AMER2: variants seen among roughly 807,000 people sequenced by gnomAD.
AMER2 encodes the protein family with sequence similarity 123A.
Under a neutral mutation model 4.7 loss-of-function variants are expected in AMER2, and 1 was observed. The ratio of observed to expected loss-of-function variants is 0.21; its 90% confidence interval spans 0.07 to 1.00. The LOEUF (loss-of-function observed/expected upper bound fraction) is 1.00, where lower values mean the gene tolerates loss of function less well. AMER2 is among the 50% of genes least tolerant of loss of function. The probability of loss-of-function intolerance (pLI) is 0.60; values close to 1 mark genes in which losing one functional copy is unlikely to be tolerated. For synonymous variants in AMER2, 485 were observed against 433.3 expected (o/e 1.12, Z -1.48); for missense variants, 988 against 966.9 (o/e 1.02, Z -0.29).
At position 25,162,316 on chromosome 13, in the gene AMER2, AG is replaced by A. The variant is rs1444426772; in HGVS notation, c.*7287del. On this transcript the variant is annotated 3_prime_UTR_variant, in exon 1 of 1. Transcript: ENST00000515384. The stretch of plus-strand genomic sequence containing the variant: ...TGGGCGAAACCTGAAGTTCACAATG[AG>A]CCTGCTAGGTAGCTGGTGTCAAGTA... The A allele has an allele frequency of 1.3e-5, 2 of 152,170 alleles. No homozygotes were observed. Among genetic ancestry groups the A allele is most frequent in the African/African-American group, 4.8e-5 (2 of 41,438 alleles). 9.4% of individuals were successfully genotyped at this position (152,170 alleles called of 1,614,324 possible). A position where few individuals can be genotyped will look rare whatever the true frequency, so the allele number is the denominator to read the frequency against.
At position 25,165,322 on chromosome 13, in the gene AMER2, C is replaced by T. The variant is rs1449386103; in HGVS notation, c.*4282G>A. On this transcript the variant is annotated 3_prime_UTR_variant, in exon 1 of 1. Coordinates refer to ENST00000515384, the MANE Select transcript of AMER2 (RefSeq NM_152704.4). ...ATGAGGTCTCACAATCAATGGCCGC[C>T]TGTGAGGAGCCACACTTACACGCTG... 1 of 152,268 alleles carries T rather than the reference C, an allele frequency of 6.6e-6. No homozygotes were observed. The highest frequency in any genetic ancestry group is 1.5e-5 in the Non-Finnish European group (1 of 68,062). 9.4% of individuals were successfully genotyped at this position (152,268 alleles called of 1,614,324 possible). A position where few individuals can be genotyped will look rare whatever the true frequency, so the allele number is the denominator to read the frequency against.
In AMER2 at chr13:25,169,617, G is replaced by A; in HGVS notation, c.2003C>T (p.Ala668Val). ...GCCTGGAAGACCTCACAACTTTTTG[G>A]CACTGTCGTGGCAGGCCGTTGCTCT... is the stretch of plus-strand genomic sequence containing the variant. Reference protein sequence around the residue: ...TIRATACHDSAKKL With the variant: ...TIRATACHDSVKKL Residue 668 changes from alanine to valine, a missense_variant, in exon 1 of 1, where the codon GCC becomes GTC. By Grantham distance (64) the Ala-to-Val change is moderately conservative. Transcript: ENST00000515384. The surrounding 1 kb of genome is among the most constrained non-coding windows in gnomAD (Gnocchi z 4.2). 6.3e-7 allele frequency: 1 copy of A among 1,581,838 alleles called. No homozygotes were observed. The highest frequency in any genetic ancestry group is 8.6e-7 in the Non-Finnish European group (1 of 1,163,144).
Position 25,171,478 on chromosome 13 carries a change from C to A in AMER2, c.142G>T (p.Asp48Tyr), listed in dbSNP as rs1282504212. 3 of 1,610,034 alleles carry A rather than the reference C, an allele frequency of 1.9e-6. No individual in the cohort carries two copies. Among genetic ancestry groups the A allele is most frequent in the Non-Finnish European group, 2.5e-6 (3 of 1,179,056 alleles). ...GCGGCCGGCGTTTCGGCGGCACAGT[C>A]ACAATGCAAGTCCATGTCTGCCGCG... Reference protein sequence around the residue: ...TLAADMDLHCDCAAETPAAEP... With the variant: ...TLAADMDLHCYCAAETPAAEP... The change falls in exon 1 of 1, where the codon GAC becomes TAC. Residue 48 changes from aspartate to tyrosine, a missense_variant. Asp to Tyr is a radical substitution (Grantham distance 160). Coordinates refer to ENST00000515384, the MANE Select transcript of AMER2 (RefSeq NM_152704.4). This position sits in a 1 kb window ranked among gnomAD's most constrained non-coding sequence, Gnocchi z 5.9.
Position 25,164,102 on chromosome 13 carries a change from C to G in AMER2, c.*5502G>C, listed in dbSNP as rs1337487538. On this transcript the variant is annotated 3_prime_UTR_variant, in exon 1 of 1. Transcript: ENST00000515384. ...CCTGGGTGACAGAGTAAGACTCCATCTCAAAAAAAAAAAAAAAAAAAATTA... is the reference window on the plus strand; with the variant it reads ...CCTGGGTGACAGAGTAAGACTCCATGTCAAAAAAAAAAAAAAAAAAAATTA... The G allele has an allele frequency of 8.3e-6, 1 of 121,046 alleles. No homozygotes were observed. Among genetic ancestry groups the G allele is most frequent in the African/African-American group, 3.4e-5 (1 of 29,700 alleles). 7.5% of individuals were successfully genotyped at this position (121,046 alleles called of 1,614,324 possible).
rs772534695 is a variant in AMER2, at chr13:25,169,988, G to A, written c.1632C>T (p.Gly544=). Reference sequence around the variant, plus strand: ...CCCCGCTGTAGCTATCCCGGGGGATGCCCGCCTTCTTCCCGCTGCTCGAGC... The same window carrying A: ...CCCCGCTGTAGCTATCCCGGGGGATACCCGCCTTCTTCCCGCTGCTCGAGC... ...EDSSSSGKKA[G]IPRDSYSGDA... The change falls in exon 1 of 1, where the codon GGC becomes GGT. Residue 544 remains glycine (G), a synonymous_variant. Transcript: ENST00000515384. The surrounding 1 kb of genome is among the most constrained non-coding windows in gnomAD (Gnocchi z 4.2). 1 of 1,613,982 alleles carries A rather than the reference G, an allele frequency of 6.2e-7. No homozygotes were observed. Among genetic ancestry groups the A allele is most frequent in the Non-Finnish European group, 8.5e-7 (1 of 1,179,952 alleles).
rs1326200107 is a variant in AMER2, at chr13:25,168,193, A to G, written c.*1411T>C. The G allele has an allele frequency of 6.6e-6, 1 of 152,232 alleles. No homozygotes were observed. Among genetic ancestry groups the G allele is most frequent in the Non-Finnish European group, 1.5e-5 (1 of 68,042 alleles). The allele number at this position is 152,232 out of a possible 1,614,324, so 9.4% of individuals were successfully genotyped here. A position where few individuals can be genotyped will look rare whatever the true frequency, so the allele number is the denominator to read the frequency against. On this transcript the variant is annotated 3_prime_UTR_variant, in exon 1 of 1. Coordinates refer to ENST00000515384, the MANE Select transcript of AMER2 (RefSeq NM_152704.4). Reference sequence around the variant, plus strand: ...CTGAAATAAATGTTTCATCTGAAATATTAGAAAACATACATAGAAGCAAAC... The same window carrying G: ...CTGAAATAAATGTTTCATCTGAAATGTTAGAAAACATACATAGAAGCAAAC...
chr13:25,166,682 T>G lies in AMER2; in HGVS notation c.*2922A>C, dbSNP rs892512187. The stretch of plus-strand genomic sequence containing the variant: ...CCTTCCCTTAAAAAGTCAGCAAATA[T>G]GGGCCTGAATAATCTTCACAAGGTC... On this transcript the variant is annotated 3_prime_UTR_variant, in exon 1 of 1. Coordinates refer to ENST00000515384, the MANE Select transcript of AMER2 (RefSeq NM_152704.4). 1 of 152,194 alleles carries G rather than the reference T, an allele frequency of 6.6e-6. No homozygotes were observed. 9.4% of individuals were successfully genotyped at this position (152,194 alleles called of 1,614,324 possible).
At position 25,165,670 on chromosome 13, in the gene AMER2, TTA is replaced by T. The variant is rs1396858600; in HGVS notation, c.*3932_*3933del. 2 of 152,264 alleles carry T rather than the reference TTA, an allele frequency of 1.3e-5. No individual in the cohort carries two copies. Among genetic ancestry groups the T allele is most frequent in the Non-Finnish European group, 2.9e-5 (2 of 68,058 alleles). The allele number at this position is 152,264 out of a possible 1,614,324, so 9.4% of individuals were successfully genotyped here. A position where few individuals can be genotyped will look rare whatever the true frequency, so the allele number is the denominator to read the frequency against. ...ATGAGGCAATTGTGATGCTTATTCC[TTA>T]TGTTTAACAGCAAAAAACTTCTTGA... On this transcript the variant is annotated 3_prime_UTR_variant, in exon 1 of 1. Transcript: ENST00000515384.
chr13:25,170,723 G>A lies in AMER2; in HGVS notation c.897C>T (p.Asp299=). Residue 299 remains aspartate, a synonymous_variant, in exon 1 of 1, where the codon GAC becomes GAT. Transcript: ENST00000515384. The surrounding 1 kb of genome is among the most constrained non-coding windows in gnomAD (Gnocchi z 7.3). ...HPGDTGARGE[D]AAGHRRAEPG... is the part of the protein sequence containing the mutation. ...GCTCGGCGCGCCGATGCCCCGCGGCGTCCTCTCCCCGGGCGCCGGTGTCGC... is the reference window on the plus strand; with the variant it reads ...GCTCGGCGCGCCGATGCCCCGCGGCATCCTCTCCCCGGGCGCCGGTGTCGC... 6.8e-7 allele frequency: 1 copy of A among 1,460,854 alleles called. No homozygotes were observed. Among genetic ancestry groups the A allele is most frequent in the Non-Finnish European group, 9.0e-7 (1 of 1,113,470 alleles). The allele number at this position is 1,460,854 out of a possible 1,614,324, so 90.5% of individuals were successfully genotyped here. A position where few individuals can be genotyped will look rare whatever the true frequency, so the allele number is the denominator to read the frequency against.
rs112746394 is a variant in AMER2 at position 25,171,524 on chromosome 13, G to A, written c.96C>T (p.Ala32=). 1 of 1,594,496 alleles carries A rather than the reference G, an allele frequency of 6.3e-7. No homozygotes were observed. The highest frequency in any genetic ancestry group is 8.5e-7 in the Non-Finnish European group (1 of 1,175,420). The change falls in exon 1 of 1, where the codon GCC becomes GCT. Residue 32 remains alanine, a synonymous_variant. Coordinates refer to ENST00000515384, the MANE Select transcript of AMER2 (RefSeq NM_152704.4). This position sits in a 1 kb window ranked among gnomAD's most constrained non-coding sequence, Gnocchi z 5.9. Reference sequence around the variant, plus strand: ...CCGCGAGGGTCCCGGTCCCGGCCCCGGCCTCCGCCTTCCTCCTGCAGACCC... The same window carrying A: ...CCGCGAGGGTCCCGGTCCCGGCCCCAGCCTCCGCCTTCCTCCTGCAGACCC... ...SVGVCRRKAE[A]GAGTGTLAAD...
Position 25,162,508 on chromosome 13 carries a change from A to G in AMER2, c.*7096T>C, listed in dbSNP as rs192447502. 4.6e-5 allele frequency: 7 copies of G among 152,344 alleles called. No homozygotes were observed. The East Asian group carries it at 1.3e-3, about 29-fold the overall frequency. 9.4% of individuals were successfully genotyped at this position (152,344 alleles called of 1,614,324 possible). A position where few individuals can be genotyped will look rare whatever the true frequency, so the allele number is the denominator to read the frequency against. ...AGTTTCTCCTCCTTTATTTAGAAAT[A>G]AATGTGTAGTGGGGACCAGTGGTTG... On this transcript the variant is annotated 3_prime_UTR_variant, in exon 1 of 1. Coordinates refer to ENST00000515384, the MANE Select transcript of AMER2 (RefSeq NM_152704.4).
At position 25,170,967 on chromosome 13, in the gene AMER2, C is replaced by A. The variant is rs1477031975; in HGVS notation, c.653G>T (p.Arg218Leu). Reference sequence around the variant, plus strand: ...TAGGATCAAGCCGCCCCCGGGCGCGCGCCCCTCCGCGGCCTCCGCCTTGGC... The same window carrying A: ...TAGGATCAAGCCGCCCCCGGGCGCGAGCCCCTCCGCGGCCTCCGCCTTGGC... ...KRAKAEAAEG[R>L]APGGGLILPG... The change falls in exon 1 of 1, where the codon CGC becomes CTC. Residue 218 changes from arginine (R) to leucine (L), a missense_variant. Arg to Leu is a moderately radical substitution (Grantham distance 102). Coordinates refer to ENST00000515384, the MANE Select transcript of AMER2 (RefSeq NM_152704.4). The surrounding 1 kb of genome is among the most constrained non-coding windows in gnomAD (Gnocchi z 7.3). 2 of 1,543,444 alleles carry A rather than the reference C, an allele frequency of 1.3e-6. No individual in the cohort carries two copies. The highest frequency in any genetic ancestry group is 1.7e-6 in the Non-Finnish European group (2 of 1,147,898).
rs200341589 is a variant in AMER2, at chr13:25,169,770, T to C, written c.1850A>G (p.Asn617Ser). 70 of 1,614,050 alleles carry C rather than the reference T, an allele frequency of 4.3e-5. No individual in the cohort carries two copies. The highest frequency in any genetic ancestry group is 9.3e-5 in the African/African-American group (7 of 75,002). Residue 617 changes from asparagine to serine, a missense_variant, in exon 1 of 1, where the codon AAC (asparagine) becomes AGC (serine). Coordinates refer to ENST00000515384, the MANE Select transcript of AMER2 (RefSeq NM_152704.4). This position sits in a 1 kb window ranked among gnomAD's most constrained non-coding sequence, Gnocchi z 4.2. ...KIPISIKHLT[N>S]LPSSHPVVHQ... Reference sequence around the variant, plus strand: ...CACCACGGGATGGCTAGATGGAAGGTTGGTCAGGTGCTTGATGCTAATAGG... The same window carrying C: ...CACCACGGGATGGCTAGATGGAAGGCTGGTCAGGTGCTTGATGCTAATAGG...
chr13:25,171,363 AC>A lies in AMER2; in HGVS notation c.256del (p.Val86SerfsTer16). On this transcript the variant is annotated frameshift_variant, in exon 1 of 1. Coordinates refer to ENST00000515384, the MANE Select transcript of AMER2 (RefSeq NM_152704.4). LOFTEE classifies it low-confidence loss of function (END_TRUNC). This position sits in a 1 kb window ranked among gnomAD's most constrained non-coding sequence, Gnocchi z 5.9. ...SGGTMPSIFG[V>X]KNKGDGKSSG... ...GCTTTTCCCGTCCCCTTTGTTTTTG[AC>A]CCCAAAAATGCTGGGCATGGTGCCA... The A allele has an allele frequency of 6.2e-7, 1 of 1,611,500 alleles. No homozygotes were observed. The highest frequency in any genetic ancestry group is 8.5e-7 in the Non-Finnish European group (1 of 1,179,320).
chr13:25,171,136 T>G lies in AMER2; in HGVS notation c.484A>C (p.Ser162Arg). 3 of 1,552,008 alleles carry G rather than the reference T, an allele frequency of 1.9e-6. No homozygotes were observed. Among genetic ancestry groups the G allele is most frequent in the Non-Finnish European group, 2.6e-6 (3 of 1,149,824 alleles). Residue 162 changes from serine (S) to arginine (R), a missense_variant, in exon 1 of 1, where the codon AGC becomes CGC. Ser to Arg is a moderately radical substitution (Grantham distance 110). Transcript: ENST00000515384. This position sits in a 1 kb window ranked among gnomAD's most constrained non-coding sequence, Gnocchi z 5.9. The stretch of plus-strand genomic sequence containing the variant: ...TTCTTCTTCAGCAGCGAGAAGAAGC[T>G]GTGCGACTTGGCCACCGAGCTGCTG... The part of the protein sequence containing the change: ...LASSSVAKSH[S>R]FFSLLKKNGR...
rs1379026088 is a variant in AMER2 at position 25,162,325 on chromosome 13, G to A, written c.*7279C>T. ...CCTGAAGTTCACAATGAGCCTGCTA[G>A]GTAGCTGGTGTCAAGTACAAATGAT... On this transcript the variant is annotated 3_prime_UTR_variant, in exon 1 of 1. Coordinates refer to ENST00000515384, the MANE Select transcript of AMER2 (RefSeq NM_152704.4). 1 of 152,084 alleles carries A rather than the reference G, an allele frequency of 6.6e-6. No individual in the cohort carries two copies. Among genetic ancestry groups the A allele is most frequent in the Non-Finnish European group, 1.5e-5 (1 of 68,018 alleles). 9.4% of individuals were successfully genotyped at this position (152,084 alleles called of 1,614,324 possible).
chr13:25,169,737 T>C lies in AMER2; in HGVS notation c.1883A>G (p.Gln628Arg). 2 of 1,614,112 alleles carry C rather than the reference T, an allele frequency of 1.2e-6. No homozygotes were observed. The highest frequency in any genetic ancestry group is 1.7e-6 in the Non-Finnish European group (2 of 1,179,968). ...LPSSHPVVHQ[Q>R]PSRSEMPRTK... ...TCTGGGCATCTCACTCCTGGAGGGT[T>C]GCTGGTGCACCACGGGATGGCTAGA... The change falls in exon 1 of 1, where the codon CAA becomes CGA. Residue 628 changes from glutamine to arginine, a missense_variant. By Grantham distance (43) the Gln-to-Arg change is conservative (BLOSUM62 1). Coordinates refer to ENST00000515384, the MANE Select transcript of AMER2 (RefSeq NM_152704.4). The surrounding 1 kb of genome is among the most constrained non-coding windows in gnomAD (Gnocchi z 4.2).
rs2137444884 is a variant in AMER2 at position 25,170,298 on chromosome 13, T to C, written c.1322A>G (p.Asp441Gly). The C allele has an allele frequency of 6.2e-7, 1 of 1,613,782 alleles. No individual in the cohort carries two copies. Among genetic ancestry groups the C allele is most frequent in the South Asian group, 1.1e-5 (1 of 91,052 alleles). Reference protein sequence around the residue: ...VDDTYLQEFWDMLSQTEEQGP... With the variant: ...VDDTYLQEFWGMLSQTEEQGP... ...CTGCTCCTCGGTCTGGGAGAGCATG[T>C]CCCAGAACTCCTGTAGATAGGTGTC... Residue 441 changes from aspartate (D) to glycine (G), a missense_variant, in exon 1 of 1, where the codon GAC (aspartate) becomes GGC (glycine). By Grantham distance (94) the Asp-to-Gly change is moderately conservative. Transcript: ENST00000515384. This position sits in a 1 kb window ranked among gnomAD's most constrained non-coding sequence, Gnocchi z 7.3.
chr13:25,167,096 C>G lies in AMER2; in HGVS notation c.*2508G>C, dbSNP rs1301795145. On this transcript the variant is annotated 3_prime_UTR_variant, in exon 1 of 1. Coordinates refer to ENST00000515384, the MANE Select transcript of AMER2 (RefSeq NM_152704.4). ...TTCCTTTTCTTATAAAGAGGAGACA[C>G]AGCATAATGGTGTAAATGGAGGATT... 1 of 152,096 alleles carries G rather than the reference C, an allele frequency of 6.6e-6. No homozygotes were observed. The highest frequency in any genetic ancestry group is 1.5e-5 in the Non-Finnish European group (1 of 68,004). The allele number at this position is 152,096 out of a possible 1,614,324, so 9.4% of individuals were successfully genotyped here. A position where few individuals can be genotyped will look rare whatever the true frequency, so the allele number is the denominator to read the frequency against.
Sources: gnomAD v4.1 joint callset for allele counts on GRCh38, gnomAD v4.1.1 for gene constraint, Gnocchi (gnomAD v3.1) non-coding constraint, MANE v1.5 for transcripts, NCBI Gene and HGNC (gene_info 2026-07-23, HGNC 2026-07-21) for gene names.